The following MTDH variants were observed in gnomAD, a reference collection of about 807,000 sequenced individuals.
MTDH encodes the protein metadherin.
MTDH carries 34 observed loss-of-function variants against 72.7 expected under a neutral mutation model. The observed-to-expected ratio is 0.47, with a 90% CI of 0.36 to 0.62. MTDH has a LOEUF of 0.62. MTDH is among the 20% of genes least tolerant of loss of function. The probability of loss-of-function intolerance (pLI) is 0.00; values close to 1 mark genes in which losing one functional copy is unlikely to be tolerated. For synonymous variants in MTDH, 266 were observed against 268.9 expected (o/e 0.99, Z 0.10); for missense variants, 677 against 699.4 (o/e 0.97, Z 0.36).
rs1369670935 is a variant in MTDH at position 97,728,502 on chromosome 8, G to C, written c.*3832G>C. On this transcript the variant is annotated 3_prime_UTR_variant, in exon 12 of 12. Transcript: ENST00000336273. ...ATTTTAGCAGTAGATGTAGCTGCCT[G>C]CCACCAGGTGCAATATGTCATTTGC... The C allele has an allele frequency of 6.6e-6, 1 of 152,102 alleles. No individual in the cohort carries two copies. Among genetic ancestry groups the C allele is most frequent in the African/African-American group, 2.4e-5 (1 of 41,414 alleles). 9.4% of individuals were successfully genotyped at this position (152,102 alleles called of 1,614,324 possible). A position where few individuals can be genotyped will look rare whatever the true frequency, so the allele number is the denominator to read the frequency against.
intron 2 of MTDH, among the ~76,000 whole-genome samples, chr8:97,671,799 G>A (rs962730289): frequency 1.3e-5 from 2 of 152,122 alleles, no homozygotes; most frequent in Non-Finnish European, 1.5e-5. Flanking sequence ...AGCCGAGATC[G>A]TGCCACTGCC....
At chr8:97,686,796 T>C (rs1813382343) in intron 3 of MTDH, 44 bp downstream of exon 3, 1 of 1,362,352 alleles carries the variant, frequency 7.3e-7, no homozygotes, top group Non-Finnish European at 1.0e-6. Flanking sequence ...TTTTAATCCT[T>C]TTTTATCAAA....
intron 1 of MTDH, among the ~76,000 whole-genome samples, chr8:97,646,011 T>C (rs965785216): frequency 2.0e-5 from 3 of 152,096 alleles, no homozygotes; most frequent in Non-Finnish European, 2.9e-5. Context: ...TGGAGAGTAG[T>C]GGAGACAGAT....
intron 6 of MTDH, among the ~76,000 whole-genome samples, chr8:97,699,444 A>G (rs1440986176): frequency 1.3e-5 from 2 of 152,106 alleles, no homozygotes; most frequent in East Asian, 3.9e-4. Context: ...CTCAAAAAAA[A>G]AAAAAGAGAG....
Position 97,687,583 on chromosome 8 carries a change from T to C in MTDH, c.723T>C (p.Pro241=). The part of the protein sequence containing the change: ...TTEQLTTASF[P]VGSKKNKGDS... ...AGCAACTTACAACCGCATCATTTCC[T>C]GTTGGTTCCAAGAAGAATAAAGGTA... Residue 241 remains proline, a synonymous_variant, in exon 4 of 12, where the codon CCT becomes CCC. Coordinates refer to ENST00000336273, the MANE Select transcript of MTDH (RefSeq NM_178812.4). 1 of 1,609,334 alleles carries C rather than the reference T, an allele frequency of 6.2e-7. No individual in the cohort carries two copies. Among genetic ancestry groups the C allele is most frequent in the South Asian group, 1.1e-5 (1 of 90,212 alleles).
chr8:97,709,021 T>G (rs981900372), intron 8 of MTDH, among the ~76,000 whole-genome samples: 2 of 151,948 alleles, frequency 1.3e-5, no homozygotes, highest in East Asian at 3.9e-4. Flanking sequence ...TGAAACCCCG[T>G]CTCTGCTGAA....
At chr8:97,690,642 A>AGT (rs1813562905) in intron 5 of MTDH, among the ~76,000 whole-genome samples, 1 of 123,702 alleles carries the variant, frequency 8.1e-6, no homozygotes, top group Non-Finnish European at 1.6e-5. Context: ...AATATATATA[A>AGT]ATAAGGAAAG....
intron 7 of MTDH, among the ~76,000 whole-genome samples, chr8:97,701,899 A>G (rs1428847251): frequency 6.6e-6 from 1 of 152,250 alleles, no homozygotes; most frequent in Non-Finnish European, 1.5e-5. Context: ...AATATGTATC[A>G]GAAACACCAT....
chr8:97,644,382 G>C lies in MTDH; in HGVS notation c.-125G>C. Reference sequence around the variant, plus strand: ...AGCGGCCGATCCCCGGCTCCGGCGCGAGGGACGGCCGCGATGCGCTCGGCC... The same window carrying C: ...AGCGGCCGATCCCCGGCTCCGGCGCCAGGGACGGCCGCGATGCGCTCGGCC... On this transcript the variant is annotated 5_prime_UTR_variant, in exon 1 of 12. Coordinates refer to ENST00000336273, the MANE Select transcript of MTDH (RefSeq NM_178812.4). 1 of 1,322,692 alleles carries C rather than the reference G, an allele frequency of 7.6e-7. No homozygotes were observed. Among genetic ancestry groups the C allele is most frequent in the Non-Finnish European group, 9.9e-7 (1 of 1,006,104 alleles). 81.9% of individuals were successfully genotyped at this position (1,322,692 alleles called of 1,614,324 possible). A position where few individuals can be genotyped will look rare whatever the true frequency, so the allele number is the denominator to read the frequency against.
intron 9 of MTDH, among the ~76,000 whole-genome samples, chr8:97,714,133 AGT>A (rs1405346017): frequency 6.6e-6 from 1 of 152,232 alleles, no homozygotes; most frequent in African/African-American, 2.4e-5. Flanking sequence ...GTGTATAACA[AGT>A]GGAGTCTTTC....
At chr8:97,720,277 T>G (rs1461011093) in intron 10 of MTDH, among the ~76,000 whole-genome samples, 2 of 151,274 alleles carry the variant, frequency 1.3e-5, no homozygotes, top group African/African-American at 4.9e-5. Flanking sequence ...AAAGTGAGAC[T>G]CCATCTCATA....
intron 7 of MTDH, among the ~76,000 whole-genome samples, chr8:97,705,595 G>A (rs1166227166): frequency 3.3e-5 from 5 of 152,030 alleles, no homozygotes; most frequent in Non-Finnish European, 5.9e-5. Flanking sequence ...GCAAGACTCC[G>A]TCTTGGGGAA....
At chr8:97,685,876 GA>G (rs1377801837) in intron 2 of MTDH, among the ~76,000 whole-genome samples, 1 of 152,064 alleles carries the variant, frequency 6.6e-6, no homozygotes, top group East Asian at 1.9e-4. Flanking sequence ...TTCTCTTTTG[GA>G]AGCACTTATT....
At chr8:97,703,132 A>G (rs996761088) in intron 7 of MTDH, among the ~76,000 whole-genome samples, 9 of 152,184 alleles carry the variant, frequency 5.9e-5, no homozygotes, top group African/African-American at 2.2e-4. Context: ...TGGGAAGCCA[A>G]GGTGCAAGGA....
intron 2 of MTDH, among the ~76,000 whole-genome samples, chr8:97,665,502 T>A (rs1233071938): frequency 6.6e-6 from 1 of 152,156 alleles, no homozygotes; most frequent in Non-Finnish European, 1.5e-5. Flanking sequence ...AAAGAGAAGA[T>A]ATCTAGTAAT....
At chr8:97,678,594 C>T (rs1171564999) in intron 2 of MTDH, among the ~76,000 whole-genome samples, 22 of 85,322 alleles carry the variant, frequency 2.6e-4, no homozygotes, top group South Asian at 1.0e-3. Context: ...TTCCTTCCTT[C>T]TTTTTTTTTT....
rs1811469633 is a variant in MTDH, at chr8:97,644,352, G to C, written c.-155G>C. On this transcript the variant is annotated 5_prime_UTR_variant, in exon 1 of 12. Transcript: ENST00000336273. ...GGGAGACCCCTCCGCCCTCCCCGCGGTGGCAGCGGCCGATCCCCGGCTCCG... is the reference window on the plus strand; with the variant it reads ...GGGAGACCCCTCCGCCCTCCCCGCGCTGGCAGCGGCCGATCCCCGGCTCCG... 6 of 1,030,678 alleles carry C rather than the reference G, an allele frequency of 5.8e-6. No individual in the cohort carries two copies. The highest frequency in any genetic ancestry group is 3.2e-4 in the Middle Eastern group (1 of 3,152). The allele number at this position is 1,030,678 out of a possible 1,614,324, so 63.8% of individuals were successfully genotyped here.
chr8:97,665,953 C>G (rs192404493), intron 2 of MTDH, among the ~76,000 whole-genome samples: 3 of 152,014 alleles, frequency 2.0e-5, no homozygotes, highest in Non-Finnish European at 4.4e-5. Flanking sequence ...ACAGTGAAAC[C>G]CCGTCTCTAC....
At chr8:97,672,946 A>G (rs1462954924) in intron 2 of MTDH, among the ~76,000 whole-genome samples, 1 of 152,164 alleles carries the variant, frequency 6.6e-6, no homozygotes, top group Non-Finnish European at 1.5e-5. Flanking sequence ...GACTTGGACG[A>G]TGGATCATGT....
Sources: allele counts gnomAD v4.1 joint callset (sites outside exome capture counted in the v4.1 genomes callset), GRCh38; gene constraint gnomAD v4.1.1; transcripts MANE v1.5; gene names NCBI Gene and HGNC (gene_info 2026-07-23, HGNC 2026-07-21).